Variants in DPP6 observed in about 807,000 individuals in gnomAD.
The protein encoded by DPP6 is A-type potassium channel modulatory protein DPP6.
DPP6 carries 69 observed loss-of-function variants against 122.6 expected under a neutral mutation model. The ratio of observed to expected loss-of-function variants is 0.56; its 90% CI spans 0.46 to 0.69. The LOEUF (loss-of-function observed/expected upper bound fraction) is 0.69, where lower values mean the gene tolerates loss of function less well. DPP6 is among the 30% of genes least tolerant of loss of function. DPP6 has a pLI of 0.00. For missense variants in DPP6, 928 were observed against 1,116.9 expected (o/e 0.83, Z 2.41); for synonymous variants, 418 against 433.1 (o/e 0.97, Z 0.43).
intron 1 of DPP6, among the ~76,000 whole-genome samples, chr7:154,106,081 C>T (rs2312602): frequency 3.3e-5 from 5 of 152,170 alleles, no homozygotes; most frequent in African/African-American, 1.2e-4. Flanking sequence ...CCACAGCCCC[C>T]ATGGAGAGGA....
chr7:154,715,745 G>A (rs754903503), intron 7 of DPP6, among the ~76,000 whole-genome samples: 23 of 152,116 alleles, frequency 1.5e-4, no homozygotes, highest in Non-Finnish European at 2.9e-4. Context: ...ACTTTATGTT[G>A]TATAAAATAT....
intron 2 of DPP6, among the ~76,000 whole-genome samples, chr7:154,458,273 C>T (rs575513686): frequency 8.5e-5 from 13 of 152,314 alleles, no homozygotes; most frequent in African/African-American, 2.9e-4. Context: ...GAATAAGTCT[C>T]ATGAGACCTG....
intron 1 of DPP6, among the ~76,000 whole-genome samples, chr7:154,011,547 A>G (rs962665273): frequency 2.0e-5 from 3 of 150,898 alleles, no homozygotes; most frequent in Non-Finnish European, 4.4e-5. Flanking sequence ...AAAACTCAGA[A>G]GTGTTAAAAA....
intron 5 of DPP6, among the ~76,000 whole-genome samples, chr7:154,576,877 A>C (rs897995836): frequency 1.8e-4 from 27 of 152,150 alleles, no homozygotes; most frequent in African/African-American, 6.0e-4. Context: ...CCTCAGAAAC[A>C]CCGGGTCTGG....
intron 1 of DPP6, among the ~76,000 whole-genome samples, chr7:154,127,752 A>G (rs1585434355): frequency 6.6e-6 from 1 of 152,054 alleles, no homozygotes; most frequent in Non-Finnish European, 1.5e-5. Flanking sequence ...CCAGACTGTG[A>G]TCTGTTTCTG....
intron 3 of DPP6, among the ~76,000 whole-genome samples, chr7:154,540,115 A>G (rs561660713): frequency 1.3e-5 from 2 of 152,226 alleles, no homozygotes; most frequent in Non-Finnish European, 2.9e-5. Context: ...CGTGGAGCAG[A>G]TGAAAGCATG....
intron 1 of DPP6, among the ~76,000 whole-genome samples, chr7:154,014,805 A>G (rs940754296): frequency 8.6e-5 from 13 of 152,042 alleles, no homozygotes; most frequent in African/African-American, 2.4e-4. Flanking sequence ...TGTGTCTGCT[A>G]TGGATAATGA....
chr7:154,727,123 C>T (rs994369604), intron 7 of DPP6, among the ~76,000 whole-genome samples: 6 of 152,142 alleles, frequency 3.9e-5, no homozygotes, highest in Admixed American at 2.6e-4. Context: ...TATTCATTCC[C>T]ACATTGCTCT....
intron 1 of DPP6, among the ~76,000 whole-genome samples, chr7:154,248,594 C>T (rs769711384): frequency 1.3e-5 from 2 of 152,088 alleles, no homozygotes; most frequent in Non-Finnish European, 2.9e-5. Context: ...GGCTGGGCGC[C>T]GTGGCTCACA....
the DPP6 span, among the ~76,000 whole-genome samples, chr7:153,825,236 T>A: frequency 1.3e-5 from 2 of 152,162 alleles, no homozygotes; most frequent in Admixed American, 6.6e-5. Context: ...TACACTGTTT[T>A]GTAATGAAAA....
chr7:154,884,310 TCACACA>T (rs138250041), intron 21 of DPP6: 19 of 146,546 alleles, frequency 1.3e-4, no homozygotes, highest in African/African-American at 4.3e-4. Context: ...ATACACCTAC[TCACACA>T]CACATGCTCA....
intron 1 of DPP6, among the ~76,000 whole-genome samples, chr7:153,990,140 TC>T (rs1374676736): frequency 2.3e-5 from 1 of 43,864 alleles, no homozygotes; most frequent in Admixed American, 2.5e-4. Flanking sequence ...CCACTGATCA[TC>T]CCCGCCCTCA....
chr7:153,850,577 A>G, the DPP6 span, among the ~76,000 whole-genome samples: 1 of 152,168 alleles, frequency 6.6e-6, no homozygotes, highest in African/African-American at 2.4e-5. Flanking sequence ...GCTAATAAAG[A>G]CATACCCTAG....
intron 3 of DPP6, among the ~76,000 whole-genome samples, chr7:154,502,854 T>C (rs1825367193): frequency 6.6e-6 from 1 of 152,158 alleles, no homozygotes; most frequent in African/African-American, 2.4e-5. Flanking sequence ...TGACAGGATG[T>C]AAATAGCAGC....
intron 2 of DPP6, among the ~76,000 whole-genome samples, chr7:154,455,374 C>G (rs1043001253): frequency 3.9e-5 from 6 of 152,064 alleles, no homozygotes; most frequent in African/African-American, 1.4e-4. Context: ...GGGGAAGCAG[C>G]CTTCAGTGTC....
chr7:154,176,331 C>T (rs1438635606), intron 1 of DPP6, among the ~76,000 whole-genome samples: 5 of 152,122 alleles, frequency 3.3e-5, no homozygotes, highest in South Asian at 2.1e-4. Flanking sequence ...GTTTGGTGAG[C>T]GCCCAGGCAG....
intron 1 of DPP6, among the ~76,000 whole-genome samples, chr7:154,162,607 G>A (rs1289633365): frequency 6.6e-6 from 1 of 152,180 alleles, no homozygotes; most frequent in Non-Finnish European, 1.5e-5. Context: ...TATGTTGCTA[G>A]TGTTGAGTGG....
intron 1 of DPP6, among the ~76,000 whole-genome samples, chr7:154,358,837 C>T (rs899334559): frequency 6.6e-5 from 10 of 152,110 alleles, no homozygotes; most frequent in African/African-American, 2.4e-4. Context: ...TCCCAAGTGG[C>T]TGGGATTACA....
chr7:153,813,116 C>T, the DPP6 span, among the ~76,000 whole-genome samples: 1 of 151,644 alleles, frequency 6.6e-6, no homozygotes, highest in African/African-American at 2.4e-5. Context: ...TGTGCTGCAC[C>T]CATTAACTCG....
Sources: allele counts gnomAD v4.1 joint callset (sites outside exome capture counted in the v4.1 genomes callset), GRCh38; gene constraint gnomAD v4.1.1; transcripts MANE v1.5; gene names NCBI Gene and HGNC (gene_info 2026-07-23, HGNC 2026-07-21).